The following TUSC3 variants were observed in gnomAD, a reference collection of about 807,000 sequenced individuals.
TUSC3 encodes dolichyl-diphosphooligosaccharide--protein glycosyltransferase subunit TUSC3.
Under a neutral mutation model 44.8 loss-of-function variants are expected in TUSC3, and 45 were observed. The ratio of observed to expected loss-of-function variants is 1.00; its 90% CI spans 0.79 to 1.29. The LOEUF (loss-of-function observed/expected upper bound fraction) is 1.29. Ranked by LOEUF, TUSC3 falls within the 50% of genes most tolerant of loss-of-function variation. The pLI, the probability that TUSC3 is intolerant of heterozygous loss-of-function variation, is 0.00. For missense variants in TUSC3, 519 were observed against 437.9 expected (o/e 1.19, Z -1.65); for synonymous variants, 212 against 152.9 (o/e 1.39, Z -2.85).
rs1351385198 is a variant in TUSC3 at position 15,766,301 on chromosome 8, G to A, written c.*2145G>A. 3.3e-5 allele frequency: 5 copies of A among 152,058 alleles called. No homozygotes were observed. The highest frequency in any genetic ancestry group is 3.3e-4 in the Admixed American group (5 of 15,252). The allele number at this position is 152,058 out of a possible 1,614,324, so 9.4% of individuals were successfully genotyped here. On this transcript the variant is annotated 3_prime_UTR_variant, in exon 11 of 11. Transcript: ENST00000503731. ...AAAATGCTATAGGCAGAATTGCAAA[G>A]AGTGGCTCAAACATATAGTTTGCTT...
At chr8:15,656,196 A>G (rs371303305) in intron 3 of TUSC3, among the ~76,000 whole-genome samples, 25 of 152,172 alleles carry the variant, frequency 1.6e-4, no homozygotes, top group African/African-American at 6.0e-4. Flanking sequence ...CACACTCAGA[A>G]TACATTCATT....
At chr8:15,663,494 T>C (rs1467519355) in intron 5 of TUSC3, among the ~76,000 whole-genome samples, 3 of 151,872 alleles carry the variant, frequency 2.0e-5, no homozygotes, top group Admixed American at 2.0e-4. Flanking sequence ...TAGGACAGAC[T>C]GAGAAGCAGC....
At chr8:15,613,230 G>A (rs1804839669) in intron 1 of TUSC3, among the ~76,000 whole-genome samples, 1 of 134,988 alleles carries the variant, frequency 7.4e-6, no homozygotes, top group South Asian at 2.2e-4. Flanking sequence ...ATGTCTTACA[G>A]TGCTTTTTTT....
intron 6 of TUSC3, among the ~76,000 whole-genome samples, chr8:15,700,571 A>G (rs960277390): frequency 6.6e-6 from 1 of 152,132 alleles, no homozygotes; most frequent in Non-Finnish European, 1.5e-5. Flanking sequence ...TGTTGAGGGA[A>G]CAGAGAGTAA....
intron 1 of TUSC3, among the ~76,000 whole-genome samples, chr8:15,451,219 A>T (rs112634494): frequency 2.6e-5 from 4 of 152,244 alleles, no homozygotes; most frequent in African/African-American, 9.6e-5. Flanking sequence ...TGTTACTTAT[A>T]TCTATATTTG....
chr8:15,549,980 G>A (rs1286482631), intron 1 of TUSC3, among the ~76,000 whole-genome samples: 1 of 151,768 alleles, frequency 6.6e-6, no homozygotes, highest in South Asian at 2.1e-4. Flanking sequence ...ACCTTTAAGG[G>A]CTTACAACTC....
intron 1 of TUSC3, among the ~76,000 whole-genome samples, chr8:15,621,421 A>G (rs1423738602): frequency 6.7e-6 from 1 of 150,182 alleles, no homozygotes; most frequent in East Asian, 1.9e-4. Context: ...TGTTCTGGGT[A>G]TATTGATGAG....
intron 1 of TUSC3, among the ~76,000 whole-genome samples, chr8:15,450,024 C>T (rs1338197117): frequency 2.0e-5 from 3 of 152,018 alleles, no homozygotes; most frequent in Admixed American, 1.3e-4. Flanking sequence ...TTCTAAGTTC[C>T]CTCTGTGATC....
chr8:15,731,546 A>G (rs1045831585), intron 7 of TUSC3, among the ~76,000 whole-genome samples: 2 of 152,144 alleles, frequency 1.3e-5, no homozygotes, highest in Non-Finnish European at 2.9e-5. Flanking sequence ...ACCTCATTTT[A>G]TATGTAGGAA....
rs2604357 is a variant in TUSC3, at chr8:15,743,653, C to G, written c.937+41C>G. The G allele has an allele frequency of 0.011, 18,024 of 1,599,688 alleles. 181 individuals are homozygous for G. Among genetic ancestry groups the G allele is most frequent in the South Asian group, 0.032 (2,924 of 90,740 alleles). ...GCCATTTTTGTAATTTCGTTTTAGT[C>G]TTAAGATTCATTTAAGTCAAATGGG... On this transcript the variant is annotated intron_variant, in intron 8 of 10. Coordinates refer to ENST00000503731, the MANE Select transcript of TUSC3 (RefSeq NM_006765.4).
chr8:15,580,934 C>T (rs1216170062), intron 1 of TUSC3, among the ~76,000 whole-genome samples: 1 of 123,042 alleles, frequency 8.1e-6, no homozygotes, highest in Non-Finnish European at 1.7e-5. Flanking sequence ...GTTCCATTCT[C>T]CCCATCACTT....
intron 10 of TUSC3, among the ~76,000 whole-genome samples, chr8:15,763,379 A>C (rs1448222892): frequency 6.6e-6 from 1 of 151,378 alleles, no homozygotes. Flanking sequence ...TTCCAGCTAC[A>C]TGTTTTTTTT....
the TUSC3 span, chr8:15,806,952 G>A: frequency 7.0e-5 from 103 of 1,463,500 alleles, no homozygotes; most frequent in South Asian, 4.0e-4. Flanking sequence ...CATAACTCTC[G>A]TGTTCATCAA....
At chr8:15,442,173 A>G (rs887498486) in intron 1 of TUSC3, among the ~76,000 whole-genome samples, 1 of 152,038 alleles carries the variant, frequency 6.6e-6, no homozygotes, top group Non-Finnish European at 1.5e-5. Context: ...CTTCTTTGTC[A>G]AATATAGTAT....
chr8:15,842,906 A>C, the TUSC3 span, among the ~76,000 whole-genome samples: 1 of 152,190 alleles, frequency 6.6e-6, no homozygotes, highest in Non-Finnish European at 1.5e-5. Context: ...TTTTGCTCAG[A>C]AAGTCATGAC....
At chr8:15,602,887 T>C (rs1804350248) in intron 1 of TUSC3, among the ~76,000 whole-genome samples, 1 of 151,602 alleles carries the variant, frequency 6.6e-6, no homozygotes, top group South Asian at 2.1e-4. Context: ...ATTATTACCT[T>C]GTAACATAAA....
At chr8:15,661,605 A>G (rs1383962439) in intron 4 of TUSC3, among the ~76,000 whole-genome samples, 2 of 151,828 alleles carry the variant, frequency 1.3e-5, no homozygotes, top group African/African-American at 2.4e-5. Context: ...GATGTTTCCC[A>G]TTTTTTCATG....
intron 6 of TUSC3, among the ~76,000 whole-genome samples, chr8:15,725,400 GC>G (rs1810459792): frequency 6.6e-6 from 1 of 152,102 alleles, no homozygotes; most frequent in South Asian, 2.1e-4. Flanking sequence ...TGCTCTCAAG[GC>G]TGATAATATC....
the TUSC3 span, among the ~76,000 whole-genome samples, chr8:15,850,349 G>C: frequency 6.6e-6 from 1 of 152,004 alleles, no homozygotes; most frequent in African/African-American, 2.4e-5. Context: ...TTTTAGGTTT[G>C]TTCTCCCATA....
Sources: allele counts gnomAD v4.1 joint callset (sites outside exome capture counted in the v4.1 genomes callset), GRCh38; gene constraint gnomAD v4.1.1; transcripts MANE v1.5; gene names NCBI Gene and HGNC (gene_info 2026-07-23, HGNC 2026-07-21).